The following GPC5 variants were observed in gnomAD, a reference collection of about 807,000 sequenced individuals.
GPC5 encodes glypican-5.
A neutral mutation model predicts 53.9 loss-of-function variants in GPC5; 47 were observed. The observed-to-expected ratio is 0.87, with a 90% confidence interval of 0.69 to 1.11. GPC5 has a LOEUF of 1.11. GPC5 is among the 50% of genes most tolerant of loss of function. The pLI, the probability that GPC5 is intolerant of heterozygous loss-of-function variation, is 0.00. For synonymous variants in GPC5, 286 were observed against 263.3 expected, an observed-to-expected ratio of 1.09 and a Z score of -0.84; for missense variants, 748 against 713.1, an observed-to-expected ratio of 1.05 and a Z score of -0.56.
At position 92,417,472 on chromosome 13, in the gene GPC5, G is replaced by A. The variant is rs376942691; in HGVS notation, c.1561+272483G>A. ...TCAAAACATCAAAGTTATATCACCAGCAATTCCACTCCTAGGTATATATGC... is the reference window on the plus strand; with the variant it reads ...TCAAAACATCAAAGTTATATCACCAACAATTCCACTCCTAGGTATATATGC... On this transcript the variant is annotated intron_variant, in intron 7 of 7. Coordinates refer to ENST00000377067, the MANE Select transcript of GPC5 (RefSeq NM_004466.6). Among the ~76,000 whole-genome samples the A allele has an allele frequency of 1.4e-4, 22 of 152,286 alleles. No individual in the cohort carries two copies. In the East Asian group the frequency reaches 4.0e-3, roughly 28 times the overall value.
At chr13:92,632,952 G>C (rs899585120) in intron 7 of GPC5, among the ~76,000 whole-genome samples, 1 of 152,094 alleles carries the variant, frequency 6.6e-6, no homozygotes, top group Non-Finnish European at 1.5e-5. Flanking sequence ...GCACAATGGC[G>C]CTATCTTGGC....
intron 6 of GPC5, among the ~76,000 whole-genome samples, chr13:92,127,732 A>G (rs2041710982): frequency 6.6e-6 from 1 of 152,230 alleles, no homozygotes; most frequent in South Asian, 2.1e-4. Context: ...GGGATGTTTA[A>G]CATTGAAATG....
intron 7 of GPC5, chr13:92,509,539 G>A (rs949003336): frequency 1.3e-5 from 2 of 152,092 alleles, no homozygotes; most frequent in African/African-American, 4.8e-5. Flanking sequence ...TCATGCAAAG[G>A]AGACATTCTA....
chr13:92,633,738 G>T, intron 7 of GPC5, among the ~76,000 whole-genome samples: 1 of 151,766 alleles, frequency 6.6e-6, no homozygotes, highest in East Asian at 1.9e-4. Flanking sequence ...TATGTTTTCT[G>T]CCATATTAAT....
At chr13:92,291,167 G>C (rs879878603) in intron 7 of GPC5, among the ~76,000 whole-genome samples, 22 of 152,138 alleles carry the variant, frequency 1.4e-4, no homozygotes, top group Non-Finnish European at 2.8e-4. Flanking sequence ...GCCTCCCCGA[G>C]GAGCGCCACC....
intron 7 of GPC5, among the ~76,000 whole-genome samples, chr13:92,440,162 C>T (rs745674710): frequency 2.6e-5 from 4 of 151,990 alleles, no homozygotes; most frequent in African/African-American, 4.8e-5. Context: ...AAGTATATTG[C>T]GTGATGCTGA....
At chr13:92,492,465 A>C (rs1174870962) in intron 7 of GPC5, among the ~76,000 whole-genome samples, 1 of 151,966 alleles carries the variant, frequency 6.6e-6, no homozygotes, top group African/African-American at 2.4e-5. Flanking sequence ...CACATTGTGC[A>C]CATGTACCCT....
At chr13:92,325,367 C>T (rs970119804) in intron 7 of GPC5, among the ~76,000 whole-genome samples, 5 of 151,890 alleles carry the variant, frequency 3.3e-5, no homozygotes, top group African/African-American at 1.2e-4. Context: ...TCATTGACAC[C>T]AGTCAAACCG....
intron 7 of GPC5, among the ~76,000 whole-genome samples, chr13:92,348,095 A>G (rs2043442801): frequency 6.9e-6 from 1 of 145,808 alleles, no homozygotes; most frequent in African/African-American, 2.5e-5. Flanking sequence ...CCAGAAAACA[A>G]TTAAGAAAAT....
At chr13:92,298,100 G>A (rs1353271016) in intron 7 of GPC5, among the ~76,000 whole-genome samples, 1 of 151,992 alleles carries the variant, frequency 6.6e-6, no homozygotes, top group Non-Finnish European at 1.5e-5. Flanking sequence ...CAGGGAAGTG[G>A]GGAAAAGCCA....
chr13:91,954,942 C>T (rs1430586146), intron 6 of GPC5, among the ~76,000 whole-genome samples: 2 of 151,966 alleles, frequency 1.3e-5, no homozygotes, highest in African/African-American at 4.8e-5. Context: ...TTCCTCATTT[C>T]CAACAACATA....
intron 7 of GPC5, among the ~76,000 whole-genome samples, chr13:92,776,870 C>T (rs1594499299): frequency 2.0e-5 from 3 of 151,658 alleles, no homozygotes; most frequent in East Asian, 1.9e-4. Context: ...TTTAATAATG[C>T]TCTGTGTCCT....
intron 7 of GPC5, among the ~76,000 whole-genome samples, chr13:92,510,927 T>G (rs1018783820): frequency 1.3e-5 from 2 of 152,168 alleles, no homozygotes; most frequent in Admixed American, 6.5e-5. Context: ...TGGAATGAAG[T>G]GAGGGAGGAT....
At chr13:92,767,201 G>A (rs1875436410) in intron 7 of GPC5, among the ~76,000 whole-genome samples, 2 of 151,922 alleles carry the variant, frequency 1.3e-5, no homozygotes, top group Non-Finnish European at 2.9e-5. Flanking sequence ...GATGGGTGCG[G>A]TGGCTCATGC....
chr13:92,651,783 G>T (rs1180565449), intron 7 of GPC5, among the ~76,000 whole-genome samples: 1 of 151,878 alleles, frequency 6.6e-6, no homozygotes, highest in Non-Finnish European at 1.5e-5. Context: ...TAATTTTTTG[G>T]TAAATCTAAA....
At chr13:91,532,511 G>A (rs879436338) in intron 2 of GPC5, among the ~76,000 whole-genome samples, 17 of 152,106 alleles carry the variant, frequency 1.1e-4, no homozygotes, top group Admixed American at 3.9e-4. Flanking sequence ...TGCTTTGAAT[G>A]TCTTATGAAC....
At chr13:92,348,547 A>G (rs897092270) in intron 7 of GPC5, among the ~76,000 whole-genome samples, 6 of 152,154 alleles carry the variant, frequency 3.9e-5, no homozygotes, top group Admixed American at 3.9e-4. Context: ...ATAAGAAAAC[A>G]TCGACATGAA....
intron 5 of GPC5, among the ~76,000 whole-genome samples, chr13:91,814,170 G>A (rs997872859): frequency 6.6e-6 from 1 of 151,894 alleles, no homozygotes; most frequent in African/African-American, 2.4e-5. Context: ...TTGACCTTGT[G>A]ATCTGCCTGC....
At chr13:91,530,413 G>C (rs1189389575) in intron 2 of GPC5, among the ~76,000 whole-genome samples, 4 of 152,156 alleles carry the variant, frequency 2.6e-5, no homozygotes, top group African/African-American at 9.7e-5. Flanking sequence ...TCCTCCCTCA[G>C]CCAGAACTGG....
Sources: allele counts gnomAD v4.1 joint callset (sites outside exome capture counted in the v4.1 genomes callset), GRCh38; gene constraint gnomAD v4.1.1; transcripts MANE v1.5; gene names NCBI Gene and HGNC (gene_info 2026-07-23, HGNC 2026-07-21).